The following NOTCH2NLA variants were observed in gnomAD, a reference collection of about 807,000 sequenced individuals.
NOTCH2NLA encodes notch homolog 2 N-terminal-like protein A.
chr1:146,180,085 T>C (rs1662468638), intron 2 of NOTCH2NLA, among the ~76,000 whole-genome samples: 2 of 142,524 alleles, frequency 1.4e-5, no homozygotes, highest in South Asian at 4.3e-4. Flanking sequence ...AACTTTTGTT[T>C]GAAAAGTGAG....
intron 3 of NOTCH2NLA, among the ~76,000 whole-genome samples, chr1:146,159,407 G>GAAAGAA (rs1369635729): frequency 1.4e-5 from 2 of 142,582 alleles, no homozygotes; most frequent in African/African-American, 5.3e-5. Flanking sequence ...AAGAAAGAAA[G>GAAAGAA]AAAGAAAGAA....
At position 146,195,052 on chromosome 1, in the gene NOTCH2NLA, C is replaced by A. The variant is rs797031121; in HGVS notation, c.-44-5671G>T. ...TGGTCCTCACAGGGCCACCCCCCCC[C>A]ATCCTTGTAACACTCATGACTCTCA... On this transcript the variant is annotated intron_variant, in intron 1 of 4. Transcript: ENST00000362074. Among the ~76,000 whole-genome samples, 7 of 109,892 alleles carry A rather than the reference C, an allele frequency of 6.4e-5. 1 individual carries two copies. Among genetic ancestry groups the A allele is most frequent in the East Asian group, 6.8e-4 (2 of 2,960 alleles). 72.1% of individuals were successfully genotyped at this position (109,892 alleles called of 152,430 possible). A position where few individuals can be genotyped will look rare whatever the true frequency, so the allele number is the denominator to read the frequency against.
chr1:146,174,356 G>A (rs1469279407), intron 2 of NOTCH2NLA, among the ~76,000 whole-genome samples: 1 of 130,778 alleles, frequency 7.6e-6, no homozygotes, highest in Non-Finnish European at 1.7e-5. Flanking sequence ...TCAGCAGGGT[G>A]AGGCCAAATT....
At chr1:146,171,505 G>A in intron 2 of NOTCH2NLA, among the ~76,000 whole-genome samples, 1 of 121,558 alleles carries the variant, frequency 8.2e-6, no homozygotes, top group South Asian at 2.5e-4. Flanking sequence ...GAGTGCGTGT[G>A]CTTCAACACT....
rs587764562 is a variant in NOTCH2NLA, at chr1:146,195,049, C to G, written c.-44-5668G>C. The stretch of plus-strand genomic sequence containing the variant: ...TTCTGGTCCTCACAGGGCCACCCCC[C>G]CCCATCCTTGTAACACTCATGACTC... On this transcript the variant is annotated intron_variant, in intron 1 of 4. Transcript: ENST00000362074. Among the ~76,000 whole-genome samples the G allele has an allele frequency of 1.3e-3, 142 of 109,816 alleles. 26 individuals are homozygous for G. Among genetic ancestry groups the G allele is most frequent in the African/African-American group, 4.5e-3 (111 of 24,424 alleles). 72.0% of individuals were successfully genotyped at this position (109,816 alleles called of 152,430 possible).
chr1:146,186,100 G>T (rs1553810144), intron 2 of NOTCH2NLA, among the ~76,000 whole-genome samples: 1 of 134,308 alleles, frequency 7.4e-6, no homozygotes, highest in Non-Finnish European at 1.7e-5. Flanking sequence ...GTCCACTTAT[G>T]TTGACCCTGC....
At chr1:146,219,593 AAAG>A (rs2102369751) in intron 1 of NOTCH2NLA, among the ~76,000 whole-genome samples, 1 of 105,662 alleles carries the variant, frequency 9.5e-6, no homozygotes, top group Non-Finnish European at 1.8e-5. Flanking sequence ...ACAATTTACA[AAAG>A]AAGTAGGAAA....
At position 146,219,822 on chromosome 1, in the gene NOTCH2NLA, T is replaced by A. The variant is rs1490722464; in HGVS notation, c.-45+8887A>T. On this transcript the variant is annotated intron_variant, in intron 1 of 4. Transcript: ENST00000362074. ...AAAAAAAAAAATATATATATATATA[T>A]AAATAAATCAACAGCTTTTCTAAAT... Among the ~76,000 whole-genome samples, 676 of 94,756 alleles carry A rather than the reference T, an allele frequency of 7.1e-3. 45 individuals carry two copies. Among genetic ancestry groups the A allele is most frequent in the Non-Finnish European group, 9.5e-3 (484 of 51,176 alleles). 62.2% of individuals were successfully genotyped at this position (94,756 alleles called of 152,430 possible).
At chr1:146,173,014 T>C (rs61813195) in intron 2 of NOTCH2NLA, among the ~76,000 whole-genome samples, 2 of 150,540 alleles carry the variant, frequency 1.3e-5, no homozygotes, top group African/African-American at 2.5e-5. Flanking sequence ...CTAATAGTCA[T>C]CCTGAGGTAT....
Position 146,161,946 on chromosome 1 carries a change from A to G in NOTCH2NLA, c.298+2805T>C, listed in dbSNP as rs1280358011. On this transcript the variant is annotated intron_variant, in intron 3 of 4. Transcript: ENST00000362074. Reference sequence around the variant, plus strand: ...GACTACAAATGGTTTGGGCCTCTCCATCAGGAAAAAAAAAAACACAACCTG... The same window carrying G: ...GACTACAAATGGTTTGGGCCTCTCCGTCAGGAAAAAAAAAAACACAACCTG... Among the ~76,000 whole-genome samples the G allele has an allele frequency of 3.0e-5, 3 of 99,204 alleles. 1 individual carries two copies. Among genetic ancestry groups the G allele is most frequent in the Non-Finnish European group, 5.8e-5 (3 of 51,814 alleles). 65.1% of individuals were successfully genotyped at this position (99,204 alleles called of 152,430 possible). A position where few individuals can be genotyped will look rare whatever the true frequency, so the allele number is the denominator to read the frequency against.
chr1:146,228,824 G>A (rs782402296), exon 1 of NOTCH2NLA: 5 of 1,524,476 alleles, frequency 3.3e-6, no homozygotes, highest in South Asian at 2.4e-5. Flanking sequence ...CGGCCGCCTG[G>A]GCAGATCCAC....
rs587755187 is a variant in NOTCH2NLA, at chr1:146,180,037, A to G, written c.38+9263T>C. On this transcript the variant is annotated intron_variant, in intron 2 of 4. Transcript: ENST00000362074. ...AATACCCAGTACAGTGATCAGTTAT[A>G]GTAGCCTGCTCAATAAATACTAGTG... Among the ~76,000 whole-genome samples, 4 of 139,398 alleles carry G rather than the reference A, an allele frequency of 2.9e-5. No homozygotes were observed. In the East Asian group the frequency reaches 7.8e-4, roughly 27 times the overall value. The allele number at this position is 139,398 out of a possible 152,430, so 91.5% of individuals were successfully genotyped here. A position where few individuals can be genotyped will look rare whatever the true frequency, so the allele number is the denominator to read the frequency against.
At position 146,207,815 on chromosome 1, in the gene NOTCH2NLA, CTT is replaced by C. The variant is rs74543040; in HGVS notation, c.-44-18436_-44-18435del. 3.4e-3 allele frequency among the ~76,000 whole-genome samples: 248 copies of C among 72,198 alleles called. 3 individuals carry two copies. Among genetic ancestry groups the C allele is most frequent in the African/African-American group, 0.013 (232 of 17,922 alleles). 47.4% of individuals were successfully genotyped at this position (72,198 alleles called of 152,430 possible). ...AATTAGACAGGCCCAATACCACTTTCTTTTTTTTTTTTTTTTTTTTTTTGGAG... is the reference window on the plus strand; with the variant it reads ...AATTAGACAGGCCCAATACCACTTTCTTTTTTTTTTTTTTTTTTTTTGGAG... On this transcript the variant is annotated intron_variant, in intron 1 of 4. Coordinates refer to ENST00000362074, the Ensembl canonical transcript of NOTCH2NLA.
intron 2 of NOTCH2NLA, among the ~76,000 whole-genome samples, chr1:146,187,924 T>A (rs1662864162): frequency 7.3e-6 from 1 of 136,344 alleles, no homozygotes; most frequent in Non-Finnish European, 1.7e-5. Flanking sequence ...ATGTTATCTT[T>A]ATTCCAATCC....
At chr1:146,227,963 A>C in intron 1 of NOTCH2NLA, among the ~76,000 whole-genome samples, 1 of 52,990 alleles carries the variant, frequency 1.9e-5, no homozygotes, top group East Asian at 3.4e-4. Context: ...GGGTCTGGAC[A>C]CAGCCTGAAA....
chr1:146,228,903 C>T (rs1664366882), exon 1 of NOTCH2NLA: 3 of 1,470,026 alleles, frequency 2.0e-6, no homozygotes, highest in Non-Finnish European at 1.8e-6. Flanking sequence ...AGGCTCAGGC[C>T]CTGGCGCTAC....
In NOTCH2NLA at chr1:146,185,466, A is replaced by C. The variant is rs75684899; in HGVS notation, c.38+3834T>G. ...ATTGAGTTTTATGCAAGATTATACA[A>C]GTTCTCCTAATCTGGCATCAAAATC... On this transcript the variant is annotated intron_variant, in intron 2 of 4. Coordinates refer to ENST00000362074, the Ensembl canonical transcript of NOTCH2NLA. Among the ~76,000 whole-genome samples the C allele has an allele frequency of 4.0e-4, 55 of 136,836 alleles. 2 individuals carry two copies. The highest frequency in any genetic ancestry group is 4.2e-4 in the African/African-American group (17 of 40,524). The allele number at this position is 136,836 out of a possible 152,430, so 89.8% of individuals were successfully genotyped here.
chr1:146,180,694 C>A (rs1484637223), intron 2 of NOTCH2NLA, among the ~76,000 whole-genome samples: 2 of 142,962 alleles, frequency 1.4e-5, no homozygotes, highest in African/African-American at 4.9e-5. Context: ...TGCATACACA[C>A]ATATGACAGG....
downstream of NOTCH2NLA, among the ~76,000 whole-genome samples, chr1:146,151,586 C>T (rs1413362146): frequency 1.0e-5 from 1 of 98,686 alleles, no homozygotes; most frequent in Non-Finnish European, 1.9e-5. Context: ...TCAAAGAAGT[C>T]ACAGAAATAA....
Sources: gnomAD v4.1 joint callset for allele counts (sites outside exome capture counted in the v4.1 genomes callset) on GRCh38, gnomAD v4.1.1 for gene constraint, MANE v1.5 for transcripts, NCBI Gene and HGNC (gene_info 2026-07-23, HGNC 2026-07-21) for gene names.